The following GPM6A variants were observed in gnomAD, a reference collection of about 807,000 sequenced individuals.
GPM6A encodes neuronal membrane glycoprotein M6-a.
In GPM6A, 7 loss-of-function variants were observed where a neutral mutation model predicts 32.1. The ratio of observed to expected loss-of-function variants is 0.22; its 90% CI spans 0.12 to 0.41. The LOEUF is 0.41. GPM6A is among the 10% of genes least tolerant of loss of function. The probability of loss-of-function intolerance (pLI) is 1.00; values close to 1 mark genes in which losing one functional copy is unlikely to be tolerated. For missense variants in GPM6A, 235 were observed against 347.2 expected (o/e 0.68, Z 2.57); for synonymous variants, 130 against 123.4 (o/e 1.05, Z -0.35).
intron 4 of GPM6A, among the ~76,000 whole-genome samples, chr4:175,645,479 G>A (rs1446063069): frequency 2.0e-5 from 3 of 151,958 alleles, no homozygotes; most frequent in Non-Finnish European, 2.9e-5. Context: ...CCAGCACTTC[G>A]GGAGGCCAAG....
At chr4:175,650,567 A>C (rs1741743994) in intron 4 of GPM6A, among the ~76,000 whole-genome samples, 1 of 152,044 alleles carries the variant, frequency 6.6e-6, no homozygotes, top group Admixed American at 6.6e-5. Flanking sequence ...AGTCTCCCAA[A>C]GTGCTGGGAT....
At chr4:175,745,891 T>G (rs1732084644) in intron 1 of GPM6A, among the ~76,000 whole-genome samples, 1 of 152,112 alleles carries the variant, frequency 6.6e-6, no homozygotes, top group Non-Finnish European at 1.5e-5. Flanking sequence ...CAGAGTGGCA[T>G]AGTCAGATTT....
chr4:175,820,496 CTTTCT>C (rs1735240228), intron 1 of GPM6A, among the ~76,000 whole-genome samples: 1 of 72,892 alleles, frequency 1.4e-5, no homozygotes, highest in African/African-American at 4.2e-5. Context: ...TTTTTCTTTT[CTTTCT>C]TTTTTTTTTT....
intron 1 of GPM6A, among the ~76,000 whole-genome samples, chr4:175,829,554 T>G (rs1377470946): frequency 6.6e-6 from 1 of 151,278 alleles, no homozygotes; most frequent in East Asian, 1.9e-4. Context: ...CTTGGAGAGC[T>G]GTCCGCTGGG....
chr4:175,787,284 T>TC lies in GPM6A; in HGVS notation c.37+24906dup, dbSNP rs537873291. ...CTACAGAGATAAAGCAGAAATGATT[T>TC]CCTCAATAGTTTCACTGATAATACT... On this transcript the variant is annotated intron_variant, in intron 1 of 6. Coordinates refer to ENST00000393658, the MANE Select transcript of GPM6A (RefSeq NM_201591.3). 1,606 of 1,047,606 alleles carry TC rather than the reference T, an allele frequency of 1.5e-3. 22 individuals are homozygous for TC. In the African/African-American group the frequency reaches 0.022, roughly 14 times the overall value. 64.9% of individuals were successfully genotyped at this position (1,047,606 alleles called of 1,614,324 possible). A position where few individuals can be genotyped will look rare whatever the true frequency, so the allele number is the denominator to read the frequency against.
At chr4:175,674,926 G>A (rs924750240) in intron 2 of GPM6A, among the ~76,000 whole-genome samples, 1 of 151,370 alleles carries the variant, frequency 6.6e-6, no homozygotes, top group Non-Finnish European at 1.5e-5. Flanking sequence ...AAAACACCAT[G>A]TGGCTAAAAT....
At chr4:175,707,501 T>A (rs1745264742) in intron 1 of GPM6A, among the ~76,000 whole-genome samples, 1 of 152,230 alleles carries the variant, frequency 6.6e-6, no homozygotes, top group Non-Finnish European at 1.5e-5. Context: ...ATAAATTATT[T>A]ATGTAATTTA....
chr4:175,838,709 C>T (rs1251927750), intron 1 of GPM6A, among the ~76,000 whole-genome samples: 1 of 127,360 alleles, frequency 7.9e-6, no homozygotes, highest in Non-Finnish European at 1.6e-5. Flanking sequence ...GGCTGGAGTG[C>T]TGTGGTGCAA....
At chr4:175,642,989 C>T (rs1741237523) in intron 4 of GPM6A, among the ~76,000 whole-genome samples, 1 of 152,152 alleles carries the variant, frequency 6.6e-6, no homozygotes, top group Admixed American at 6.5e-5. Flanking sequence ...TTACCATTTG[C>T]TCAGTCAAAA....
intron 1 of GPM6A, among the ~76,000 whole-genome samples, chr4:175,746,877 G>A (rs11939763): frequency 0.22 from 32,975 of 152,052 alleles, 3,853 homozygotes; most frequent in East Asian, 0.26. Flanking sequence ...TGCTTTGTGT[G>A]ATGATTAGCA....
At chr4:175,812,851 A>C (rs1318404354), upstream of GPM6A, 2 of 985,120 alleles carry the variant, frequency 2.0e-6, no homozygotes, top group Middle Eastern at 5.2e-4. Context: ...TTCTCTCCTC[A>C]CTAAGTATTT....
At chr4:175,861,321 G>A (rs980647491) in intron 1 of GPM6A, among the ~76,000 whole-genome samples, 2 of 150,898 alleles carry the variant, frequency 1.3e-5, no homozygotes, top group African/African-American at 4.9e-5. Context: ...AAATAAAAAG[G>A]ATAAAAATAT....
At chr4:175,673,624 C>T in intron 3 of GPM6A, 56 bp downstream of exon 3, 2 of 1,266,274 alleles carry the variant, frequency 1.6e-6, no homozygotes, top group Non-Finnish European at 1.1e-6. Flanking sequence ...ATGCAAACAC[C>T]TGTGTGCTAT....
intron 1 of GPM6A, among the ~76,000 whole-genome samples, chr4:175,981,933 T>C (rs1038740586): frequency 1.3e-5 from 2 of 152,134 alleles, no homozygotes; most frequent in African/African-American, 4.8e-5. Flanking sequence ...TGTTCTGTTT[T>C]CCTTTTTTAA....
intron 1 of GPM6A, among the ~76,000 whole-genome samples, chr4:175,730,965 C>A (rs777905123): frequency 6.6e-6 from 1 of 152,118 alleles, no homozygotes; most frequent in Admixed American, 6.5e-5. Context: ...TTGCCTCCAT[C>A]TTTTTCCACC....
At chr4:175,717,138 G>A (rs1266623570) in intron 1 of GPM6A, among the ~76,000 whole-genome samples, 6 of 151,960 alleles carry the variant, frequency 3.9e-5, no homozygotes, top group Non-Finnish European at 7.4e-5. Context: ...GGCCCACTTG[G>A]CTCACTGCAC....
In GPM6A at chr4:175,655,807, C is replaced by T. The variant is rs185143207; in HGVS notation, c.388-3820G>A. Among the ~76,000 whole-genome samples, 319 of 151,860 alleles carry T rather than the reference C, an allele frequency of 2.1e-3. 2 individuals carry two copies. Among genetic ancestry groups the T allele is most frequent in the African/African-American group, 6.9e-3 (284 of 41,454 alleles). On this transcript the variant is annotated intron_variant, in intron 3 of 6. Coordinates refer to ENST00000393658, the MANE Select transcript of GPM6A (RefSeq NM_201591.3). ...CCCTCATAGTCACTTTTGTAATTTG[C>T]GAGCTGGAAATTATGATAATTTTCT...
Position 175,964,239 on chromosome 4 carries a change from A to G in GPM6A, c.-23+38070T>C, listed in dbSNP as rs142066899. Among the ~76,000 whole-genome samples the G allele has an allele frequency of 6.5e-3, 992 of 152,180 alleles. 8 individuals carry two copies. Among genetic ancestry groups the G allele is most frequent in the African/African-American group, 0.023 (947 of 41,514 alleles). On this transcript the variant is annotated intron_variant, in intron 1 of 7. Coordinates refer to the GPM6A transcript ENST00000280187. The stretch of plus-strand genomic sequence containing the variant: ...AATGGTATAAATACACTCAAAAAAA[A>G]AGAGAGAGACTAAGTGCATAAAACT...
chr4:175,669,107 A>C lies in GPM6A; in HGVS notation c.387+4573T>G, dbSNP rs924577800. Among the ~76,000 whole-genome samples, 8 of 152,334 alleles carry C rather than the reference A, an allele frequency of 5.3e-5. No homozygotes were observed. The South Asian group carries it at 1.7e-3, about 32-fold the overall frequency. The stretch of plus-strand genomic sequence containing the variant: ...TCAGAGGATTCAGTGTCCTACAATT[A>C]AGCATAGTAGGTATAGTATGGGCAT... On this transcript the variant is annotated intron_variant, in intron 3 of 6. Coordinates refer to ENST00000393658, the MANE Select transcript of GPM6A (RefSeq NM_201591.3).
Sources: gnomAD v4.1 joint callset for allele counts (sites outside exome capture counted in the v4.1 genomes callset) on GRCh38, gnomAD v4.1.1 for gene constraint, MANE v1.5 for transcripts, NCBI Gene and HGNC (gene_info 2026-07-23, HGNC 2026-07-21) for gene names.